Variants in SYTL2 observed in about 807,000 individuals in gnomAD.
SYTL2 encodes the protein synaptotagmin-like protein 2.
A neutral mutation model predicts 198.7 loss-of-function variants in SYTL2; 165 were observed. That is an observed-to-expected ratio of 0.83 (90% CI 0.73 to 0.94). SYTL2 has a LOEUF of 0.94. SYTL2 is among the 40% of genes least tolerant of loss of function. The probability of loss-of-function intolerance (pLI) is 0.00; values close to 1 mark genes in which losing one functional copy is unlikely to be tolerated. For synonymous variants in SYTL2, 966 were observed against 917.7 expected, an observed-to-expected ratio of 1.05 and a Z score of -0.95; for missense variants, 2,835 against 2,582.8, an observed-to-expected ratio of 1.10 and a Z score of -2.12.
At chr11:85,798,355 C>T (rs534132015) in intron 1 of SYTL2, among the ~76,000 whole-genome samples, 3 of 152,342 alleles carry the variant, frequency 2.0e-5, no homozygotes, top group African/African-American at 7.2e-5. Flanking sequence ...TAAGCACCTT[C>T]TTCACATGCC....
At chr11:85,763,294 A>T (rs764382031) in intron 1 of SYTL2, among the ~76,000 whole-genome samples, 2 of 152,204 alleles carry the variant, frequency 1.3e-5, no homozygotes, top group African/African-American at 2.4e-5. Context: ...ACTCTGCTTA[A>T]TTCATATTTT....
chr11:85,830,027 C>G, the SYTL2 span, among the ~76,000 whole-genome samples: 1 of 152,204 alleles, frequency 6.6e-6, no homozygotes, highest in Non-Finnish European at 1.5e-5. Context: ...CCAAACAGTT[C>G]TCTTTATACA....
Position 85,696,271 on chromosome 11 carries a change from C to G in SYTL2, c.6486G>C (p.Leu2162=), listed in dbSNP as rs752783362. 6 of 1,613,978 alleles carry G rather than the reference C, an allele frequency of 3.7e-6. No homozygotes were observed. In the African/African-American group the frequency reaches 6.7e-5, roughly 18 times the overall value. The change falls in exon 19 of 20, where the codon CTG becomes CTC. Residue 2162 remains leucine (L), a synonymous_variant. Transcript: ENST00000359152. Reference sequence around the variant, plus strand: ...CAGTAAGCTCTACACAGGCTTCCATCAGATCTTCAGGCCTGAACCCATCAT... The same window carrying G: ...CAGTAAGCTCTACACAGGCTTCCATGAGATCTTCAGGCCTGAACCCATCAT... The part of the protein sequence containing the change: ...MVYDGFRPED[L]MEACVELTVW...
At chr11:85,790,244 T>C (rs1351911779) in intron 1 of SYTL2, among the ~76,000 whole-genome samples, 1 of 152,176 alleles carries the variant, frequency 6.6e-6, no homozygotes, top group Non-Finnish European at 1.5e-5. Flanking sequence ...TTTTGGAACA[T>C]TTTGGATTTC....
intron 3 of SYTL2, among the ~76,000 whole-genome samples, chr11:85,746,469 T>C (rs948979627): frequency 2.7e-4 from 41 of 152,222 alleles, no homozygotes; most frequent in African/African-American, 9.9e-4. Flanking sequence ...TGTGCTGAGT[T>C]CTTTGCATGC....
chr11:85,717,749 C>T (rs922935936), intron 10 of SYTL2: 9 of 582,208 alleles, frequency 1.5e-5, no homozygotes, highest in East Asian at 3.7e-5. Context: ...AAAAGAGATA[C>T]GGAGCATCCT....
intron 17 of SYTL2, among the ~76,000 whole-genome samples, 186 bp from the exon 18 acceptor site, chr11:85,698,264 T>C (rs1160018498): frequency 6.6e-6 from 1 of 152,232 alleles, no homozygotes; most frequent in Non-Finnish European, 1.5e-5. Context: ...CTGAACTCGA[T>C]AGCTCTATAA....
At chr11:85,722,560 A>G (rs1179872376) in intron 8 of SYTL2, among the ~76,000 whole-genome samples, 2 of 152,118 alleles carry the variant, frequency 1.3e-5, no homozygotes, top group Non-Finnish European at 2.9e-5. Flanking sequence ...GATAGTCTCT[A>G]ACATAATTGC....
At chr11:85,845,443 T>C in the SYTL2 span, among the ~76,000 whole-genome samples, 6 of 152,168 alleles carry the variant, frequency 3.9e-5, no homozygotes, top group South Asian at 2.1e-4. Context: ...AGACAACTAA[T>C]ACACTAACAA....
chr11:85,834,974 G>A, the SYTL2 span, among the ~76,000 whole-genome samples: 3 of 151,898 alleles, frequency 2.0e-5, no homozygotes, highest in Non-Finnish European at 2.9e-5. Context: ...TGACCAGGCT[G>A]GTCTTCAACT....
chr11:85,747,366 A>G (rs955742598), intron 3 of SYTL2, among the ~76,000 whole-genome samples: 2 of 152,094 alleles, frequency 1.3e-5, no homozygotes, highest in Non-Finnish European at 2.9e-5. Flanking sequence ...CCCTGGCCAC[A>G]GAAACCATGC....
intron 12 of SYTL2, 91 bp from the exon 13 acceptor site, chr11:85,711,323 T>C: frequency 3.6e-6 from 5 of 1,391,500 alleles, no homozygotes; most frequent in Non-Finnish European, 4.9e-6. Context: ...ATTTTGGTAT[T>C]CCACTGACAT....
intron 1 of SYTL2, among the ~76,000 whole-genome samples, chr11:85,786,387 GGCCCA>G (rs2092636442): frequency 1.3e-5 from 2 of 152,110 alleles, no homozygotes; most frequent in Non-Finnish European, 1.5e-5. Context: ...AATACACACA[GGCCCA>G]TATGCACACA....
chr11:85,801,462 A>C (rs766233395), intron 1 of SYTL2, among the ~76,000 whole-genome samples: 4 of 152,186 alleles, frequency 2.6e-5, no homozygotes, highest in Non-Finnish European at 5.9e-5. Flanking sequence ...TTTCCAACAC[A>C]TTATGTACTC....
the SYTL2 span, among the ~76,000 whole-genome samples, chr11:85,846,069 G>A: frequency 6.6e-6 from 1 of 152,202 alleles, no homozygotes; most frequent in Non-Finnish European, 1.5e-5. Flanking sequence ...TGGGCCAGCT[G>A]GGACAGTCCA....
Position 85,708,194 on chromosome 11 carries a change from G to C in SYTL2, c.5916-663C>G, listed in dbSNP as rs1168535398. ...AAAAAGAAAACACACTTTCAGCATA[G>C]AGCTTAAATCTGTTTGTTCCCCTAG... On this transcript the variant is annotated intron_variant, in intron 14 of 19. Transcript: ENST00000359152. 7 of 423,572 alleles carry C rather than the reference G, an allele frequency of 1.7e-5. No individual in the cohort carries two copies. The Admixed American group carries it at 1.9e-4, about 12-fold the overall frequency. 26.2% of individuals were successfully genotyped at this position (423,572 alleles called of 1,614,324 possible).
chr11:85,734,883 A>T (rs1215890917), intron 6 of SYTL2, 141 bp from the exon 7 acceptor site: 6 of 709,500 alleles, frequency 8.5e-6, no homozygotes, highest in Non-Finnish European at 1.4e-5. Flanking sequence ...CTACAGGCCT[A>T]ATGTGAAAAG....
chr11:85,847,504 G>A, the SYTL2 span, among the ~76,000 whole-genome samples: 3 of 151,936 alleles, frequency 2.0e-5, no homozygotes, highest in African/African-American at 4.8e-5. Flanking sequence ...TGGGTTTGCT[G>A]GGTCATACAG....
Position 85,724,683 on chromosome 11 carries a change from T to C in SYTL2, c.4675A>G (p.Ile1559Val), listed in dbSNP as rs762194148. 6.8e-6 allele frequency: 11 copies of C among 1,614,106 alleles called. No individual in the cohort carries two copies. The highest frequency in any genetic ancestry group is 3.3e-5 in the Admixed American group (2 of 60,004). ...CCAGCATCAAAAGCACTCTCAGTTATTAACGGAGCCTCGGCCTTTTCTACT... is the reference window on the plus strand; with the variant it reads ...CCAGCATCAAAAGCACTCTCAGTTACTAACGGAGCCTCGGCCTTTTCTACT... ...ETVEKAEAPL[I>V]TESAFDAGFE... Residue 1559 changes from isoleucine (I) to valine (V), a missense_variant, in exon 8 of 20, where the codon ATA becomes GTA. Physicochemically the swap from Ile to Val is conservative, Grantham distance 29. This residue lies in a region of SYTL2 where 2,645 missense variants were observed against 2,381.7 expected (regional missense o/e 1.11). Transcript: ENST00000359152.
Sources: gnomAD v4.1 joint callset for allele counts (sites outside exome capture counted in the v4.1 genomes callset) on GRCh38, gnomAD v4.1.1 for gene constraint, gnomAD v4.1.1 regional missense constraint, MANE v1.5 for transcripts, NCBI Gene and HGNC (gene_info 2026-07-23, HGNC 2026-07-21) for gene names.